C10orf53: variants seen among roughly 807,000 people sequenced by gnomAD.
The protein encoded by C10orf53 is chromosome 10 open reading frame 53, also known as UPF0728 protein C10orf53.
A neutral mutation model predicts 9.4 loss-of-function variants in C10orf53; 8 were observed. The ratio of observed to expected loss-of-function variants is 0.85; its 90% CI spans 0.50 to 1.53. C10orf53 has a LOEUF of 1.53. C10orf53 is among the 40% of genes most tolerant of loss of function. The probability of loss-of-function intolerance (pLI) is 0.00; values close to 1 mark genes in which losing one functional copy is unlikely to be tolerated. For synonymous variants in C10orf53, 48 were observed against 46.0 expected, an observed-to-expected ratio of 1.04 and a Z score of -0.18; for missense variants, 117 against 117.8, an observed-to-expected ratio of 0.99 and a Z score of 0.03.
At chr10:49,705,614 A>G (rs1840717457) in intron 2 of C10orf53, among the ~76,000 whole-genome samples, 1 of 152,352 alleles carries the variant, frequency 6.6e-6, no homozygotes, top group East Asian at 1.9e-4. Flanking sequence ...CACACCATAT[A>G]CAAAAATTAA....
exon 3 of C10orf53, chr10:49,708,712 C>A: frequency 6.6e-7 from 1 of 1,523,318 alleles, no homozygotes. Flanking sequence ...GCTGAGTCCC[C>A]CAAAACAAAA....
chr10:49,689,096 A>G (rs1311736095), intron 1 of C10orf53, among the ~76,000 whole-genome samples: 1 of 152,242 alleles, frequency 6.6e-6, no homozygotes, highest in Non-Finnish European at 1.5e-5. Context: ...ACATTAGTTA[A>G]GAAAATCAAC....
At chr10:49,684,016 T>C (rs2132875000) in intron 1 of C10orf53, among the ~76,000 whole-genome samples, 1 of 152,364 alleles carries the variant, frequency 6.6e-6, no homozygotes, top group African/African-American at 2.4e-5. Context: ...TTAATTTTTG[T>C]ATATGGTGTA....
In C10orf53 at chr10:49,693,892, C is replaced by T. The variant is rs1133837; in HGVS notation, c.216C>T (p.Phe72=). ...ACTGCAACATTAAGGACTTGGAGTTCGGTAAGCCCTTTGGCGATGCTTCCA... is the reference window on the plus strand; with the variant it reads ...ACTGCAACATTAAGGACTTGGAGTTTGGTAAGCCCTTTGGCGATGCTTCCA... ...IFHCNIKDLE[F]GGDGKLDPLC... The change falls in exon 2 of 3, where the codon TTC becomes TTT. Residue 72 remains phenylalanine, a splice_region_variant and synonymous_variant. Coordinates refer to ENST00000374111, the MANE Select transcript of C10orf53 (RefSeq NM_001042427.3). The T allele has an allele frequency of 0.45, 733,005 of 1,613,742 alleles. 170,562 individuals carry two copies. Among genetic ancestry groups the T allele is most frequent in the Middle Eastern group, 0.5 (3,016 of 6,060 alleles).
rs1840620405 is a variant in C10orf53, at chr10:49,694,894, A to G, written c.*292A>G. The stretch of plus-strand genomic sequence containing the variant: ...GAGCTGAAGGAAACAATAAAATGCA[A>G]TCAAATAACAAGGTGCCATTCCTGA... On this transcript the variant is annotated 3_prime_UTR_variant, in exon 3 of 3. Coordinates refer to ENST00000374111, the MANE Select transcript of C10orf53 (RefSeq NM_001042427.3). 5 of 1,181,420 alleles carry G rather than the reference A, an allele frequency of 4.2e-6. No homozygotes were observed. The highest frequency in any genetic ancestry group is 1.0e-6 in the Non-Finnish European group (1 of 953,410). The allele number at this position is 1,181,420 out of a possible 1,614,324, so 73.2% of individuals were successfully genotyped here. A position where few individuals can be genotyped will look rare whatever the true frequency, so the allele number is the denominator to read the frequency against.
chr10:49,709,945 C>CTGTGTGTGTGTGTGTGTGTGTGTCTG, exon 3 of C10orf53: 1 of 112,106 alleles, frequency 8.9e-6, no homozygotes, highest in East Asian at 2.3e-4. Context: ...CACCCTATAT[C>CTGTGTGTGTGTGTGTGTGTGTGTCTG]TGTGTGTGTG....
Position 49,694,869 on chromosome 10 carries a change from G to T in C10orf53, c.*267G>T. ...AGCCCTCCAATATCAGGTACACATT[G>T]AGCTGAAGGAAACAATAAAATGCAA... On this transcript the variant is annotated 3_prime_UTR_variant, in exon 3 of 3. Transcript: ENST00000374111. 8.0e-7 allele frequency: 1 copy of T among 1,253,832 alleles called. No homozygotes were observed. Among genetic ancestry groups the T allele is most frequent in the Non-Finnish European group, 1.0e-6 (1 of 997,384 alleles). 77.7% of individuals were successfully genotyped at this position (1,253,832 alleles called of 1,614,324 possible).
In C10orf53 at chr10:49,695,134, T is replaced by C. The variant is rs1426442808; in HGVS notation, c.*532T>C. ...GAATAAATATTTTAAATTGCTATTATAAAATTAGCCAAAATCAAATCTTCA... is the reference window on the plus strand; with the variant it reads ...GAATAAATATTTTAAATTGCTATTACAAAATTAGCCAAAATCAAATCTTCA... On this transcript the variant is annotated 3_prime_UTR_variant, in exon 3 of 3. Coordinates refer to ENST00000374111, the MANE Select transcript of C10orf53 (RefSeq NM_001042427.3). 1.3e-5 allele frequency: 3 copies of C among 224,774 alleles called. No homozygotes were observed. Among genetic ancestry groups the C allele is most frequent in the African/African-American group, 7.0e-5 (3 of 42,758 alleles). 13.9% of individuals were successfully genotyped at this position (224,774 alleles called of 1,614,324 possible).
downstream of C10orf53, among the ~76,000 whole-genome samples, chr10:49,701,216 T>A (rs555118879): frequency 6.6e-6 from 1 of 152,074 alleles, no homozygotes; most frequent in South Asian, 2.1e-4. Context: ...AGGGCACAGC[T>A]CCCTAAGGGT....
At chr10:49,698,361 C>G (rs1000027292), downstream of C10orf53, among the ~76,000 whole-genome samples, 5 of 152,150 alleles carry the variant, frequency 3.3e-5, no homozygotes, top group Non-Finnish European at 5.9e-5. Context: ...AAAATCAGCT[C>G]TCCAGGTAGG....
At position 49,693,555 on chromosome 10, in the gene C10orf53, C is replaced by T. The variant is rs185044224; in HGVS notation, c.98-219C>T. On this transcript the variant is annotated intron_variant, in intron 1 of 2. Coordinates refer to ENST00000374111, the MANE Select transcript of C10orf53 (RefSeq NM_001042427.3). ...CAGATCACCTTGGTGTAGGACAAAC[C>T]GCAACTGAAACCTGAATTACTCAGG... 1.7e-3 allele frequency among the ~76,000 whole-genome samples: 261 copies of T among 152,252 alleles called. 2 individuals carry two copies. Among genetic ancestry groups the T allele is most frequent in the African/African-American group, 5.8e-3 (242 of 41,518 alleles).
rs987483091 is a variant in C10orf53 at position 49,694,865 on chromosome 10, C to T, written c.*263C>T. 34 of 1,275,482 alleles carry T rather than the reference C, an allele frequency of 2.7e-5. No homozygotes were observed. The highest frequency in any genetic ancestry group is 3.7e-5 in the Admixed American group (1 of 26,672). The allele number at this position is 1,275,482 out of a possible 1,614,324, so 79.0% of individuals were successfully genotyped here. ...GGAGAGCCCTCCAATATCAGGTACA[C>T]ATTGAGCTGAAGGAAACAATAAAAT... On this transcript the variant is annotated 3_prime_UTR_variant, in exon 3 of 3. Transcript: ENST00000374111.
rs890010719 is a variant in C10orf53, at chr10:49,708,250, C to G, written c.218-111C>G. ...TATAGGAAATATATTGGTTTGTATA[C>G]CTGAAAAGTCCAGCTATAGGCATAG... On this transcript the variant is annotated intron_variant, in intron 2 of 2. Coordinates refer to the C10orf53 transcript ENST00000374112. 4 of 1,469,772 alleles carry G rather than the reference C, an allele frequency of 2.7e-6. No homozygotes were observed. In the African/African-American group the frequency reaches 5.7e-5, roughly 21 times the overall value. 91.0% of individuals were successfully genotyped at this position (1,469,772 alleles called of 1,614,324 possible).
chr10:49,699,435 TCCTCCTGCCTTAG>T (rs1237053444), downstream of C10orf53, among the ~76,000 whole-genome samples: 4 of 151,810 alleles, frequency 2.6e-5, no homozygotes, highest in Non-Finnish European at 5.9e-5. Flanking sequence ...GCTCAAGCAA[TCCTCCTGCCTTAG>T]CCTCCCAAAG....
At chr10:49,706,463 A>G (rs1048664025) in intron 2 of C10orf53, among the ~76,000 whole-genome samples, 13 of 152,236 alleles carry the variant, frequency 8.5e-5, no homozygotes, top group African/African-American at 2.9e-4. Context: ...ACGTCATGCT[A>G]AGTAAAGGAA....
At chr10:49,680,967 T>TA (rs927995694) in intron 1 of C10orf53, among the ~76,000 whole-genome samples, 3 of 152,248 alleles carry the variant, frequency 2.0e-5, no homozygotes, top group Non-Finnish European at 4.4e-5. Context: ...GTCCCCAACT[T>TA]AGACTTCTTG....
At chr10:49,708,246 T>C in intron 2 of C10orf53, 5 of 1,464,626 alleles carry the variant, frequency 3.4e-6, no homozygotes, top group South Asian at 1.4e-5. Context: ...TATTGGTTTG[T>C]ATACCTGAAA....
chr10:49,708,330 C>A, intron 2 of C10orf53: 1 of 1,606,822 alleles, frequency 6.2e-7, no homozygotes, highest in Non-Finnish European at 8.5e-7. Context: ...TCTCTTGATG[C>A]TGCTTTCTTC....
downstream of C10orf53, among the ~76,000 whole-genome samples, chr10:49,698,312 A>T (rs1840653441): frequency 6.6e-6 from 1 of 152,058 alleles, no homozygotes; most frequent in Non-Finnish European, 1.5e-5. Context: ...AAAACCTGAC[A>T]ATCCTTGCAA....
Sources: gnomAD v4.1 joint callset for allele counts (sites outside exome capture counted in the v4.1 genomes callset) on GRCh38, gnomAD v4.1.1 for gene constraint, MANE v1.5 for transcripts, NCBI Gene and HGNC (gene_info 2026-07-23, HGNC 2026-07-21) for gene names.